Variants in WNT7B observed in about 807,000 individuals in gnomAD.
WNT7B encodes the protein protein Wnt-7b.
A neutral mutation model predicts 38.2 loss-of-function variants in WNT7B; 19 were observed. That is an observed-to-expected ratio of 0.50 (90% confidence interval 0.35 to 0.73). The LOEUF is 0.73. Ranked by LOEUF, WNT7B falls within the 30% of genes least tolerant of loss-of-function variation. The pLI, the probability that WNT7B is intolerant of heterozygous loss-of-function variation, is 0.01. For synonymous variants in WNT7B, 243 were observed against 209.3 expected, an observed-to-expected ratio of 1.16 and a Z score of -1.39; for missense variants, 423 against 507.9, an observed-to-expected ratio of 0.83 and a Z score of 1.61.
At chr22:45,933,886 C>T (rs1601721188) in intron 2 of WNT7B, among the ~76,000 whole-genome samples, 2 of 152,194 alleles carry the variant, frequency 1.3e-5, no homozygotes, top group East Asian at 3.9e-4. Context: ...GTCTCGCAAG[C>T]AGGTGGCACT....
At position 45,966,550 on chromosome 22, in the gene WNT7B, C is replaced by T. The variant is rs771455062; in HGVS notation, c.71+10134G>A. ...GGGGATGCTCACTCGGGCTCTTCTC[C>T]GTTGCTGCTGACACCCGGCAAGCTG... On this transcript the variant is annotated intron_variant, in intron 1 of 3. Coordinates refer to ENST00000339464, the MANE Select transcript of WNT7B (RefSeq NM_058238.3). The surrounding 1 kb of genome is among the most constrained non-coding windows in gnomAD (Gnocchi z 4.2). Among the ~76,000 whole-genome samples, 4 of 152,202 alleles carry T rather than the reference C, an allele frequency of 2.6e-5. No individual in the cohort carries two copies. Among genetic ancestry groups the T allele is most frequent in the East Asian group, 1.9e-4 (1 of 5,192 alleles).
chr22:45,939,619 C>A (rs1931592758), intron 2 of WNT7B, among the ~76,000 whole-genome samples: 1 of 132,342 alleles, frequency 7.6e-6, no homozygotes, highest in South Asian at 2.5e-4. Flanking sequence ...CATGGCAAAA[C>A]CCTGTCTCTA....
chr22:45,962,329 T>C lies in WNT7B; in HGVS notation c.72-12183A>G, dbSNP rs914075717. On this transcript the variant is annotated intron_variant, in intron 1 of 3. Coordinates refer to ENST00000339464, the MANE Select transcript of WNT7B (RefSeq NM_058238.3). ...TCTGTGAAATGAGAGCCTCACCCAC[T>C]CACTGTGACCTCCCAAACCACAGGA... is the stretch of plus-strand genomic sequence containing the variant. Among the ~76,000 whole-genome samples the C allele has an allele frequency of 7.9e-5, 12 of 152,134 alleles. 1 individual carries two copies. Among genetic ancestry groups the C allele is most frequent in the African/African-American group, 2.4e-4 (10 of 41,426 alleles).
chr22:45,949,575 A>C (rs1460933695), intron 2 of WNT7B, among the ~76,000 whole-genome samples: 1 of 152,224 alleles, frequency 6.6e-6, no homozygotes. Flanking sequence ...GCTGCTAGGC[A>C]GCGAAAGAAT....
intron 2 of WNT7B, among the ~76,000 whole-genome samples, chr22:45,941,381 G>A (rs1040452824): frequency 6.6e-6 from 1 of 152,022 alleles, no homozygotes; most frequent in Non-Finnish European, 1.5e-5. Context: ...TGTGGTGGCA[G>A]GGGCCTGTAA....
At chr22:45,947,433 C>G (rs1193518064) in intron 2 of WNT7B, among the ~76,000 whole-genome samples, 2 of 152,174 alleles carry the variant, frequency 1.3e-5, no homozygotes, top group African/African-American at 4.8e-5. Flanking sequence ...GAAATGATAC[C>G]AGGTTTCTGC....
At chr22:45,937,400 C>T (rs1931539479) in intron 2 of WNT7B, among the ~76,000 whole-genome samples, 2 of 152,372 alleles carry the variant, frequency 1.3e-5, no homozygotes, top group Middle Eastern at 3.4e-3. Flanking sequence ...TTCTGTGTCC[C>T]TGTCTCCCTA....
intron 3 of WNT7B, among the ~76,000 whole-genome samples, chr22:45,929,687 TCCA>T (rs1931247580): frequency 7.8e-6 from 1 of 128,822 alleles, no homozygotes; most frequent in African/African-American, 3.5e-5. Flanking sequence ...CCTCCATACT[TCCA>T]TCCACCCATC....
chr22:45,939,672 A>ACACACACACACACACACACACAC (rs1477583799), intron 2 of WNT7B, among the ~76,000 whole-genome samples: 3 of 104,372 alleles, frequency 2.9e-5, no homozygotes, highest in African/African-American at 1.3e-4. Flanking sequence ...CACACACACA[A>ACACACACACACACACACACACAC]AAATAGCCAG....
chr22:45,926,074 C>G, intron 3 of WNT7B: 3 of 985,462 alleles, frequency 3.0e-6, no homozygotes, highest in Middle Eastern at 5.2e-4. Flanking sequence ...GGGCCAGGCC[C>G]GTGACCATCC....
At position 45,976,054 on chromosome 22, in the gene WNT7B, G is replaced by A. The variant is rs1010404111; in HGVS notation, c.71+630C>T. On this transcript the variant is annotated intron_variant, in intron 1 of 3. Coordinates refer to ENST00000339464, the MANE Select transcript of WNT7B (RefSeq NM_058238.3). This position sits in a 1 kb window ranked among gnomAD's most constrained non-coding sequence, Gnocchi z 8.5. ...CGCGGCGAGAGGGGGCCGGGCCCAG[G>A]GCCCAGGGCCCCGGGCGGGCGGGGC... The A allele has an allele frequency of 1.4e-5, 2 of 145,164 alleles. No homozygotes were observed. The highest frequency in any genetic ancestry group is 4.9e-5 in the African/African-American group (2 of 40,510). 9.0% of individuals were successfully genotyped at this position (145,164 alleles called of 1,614,324 possible). A position where few individuals can be genotyped will look rare whatever the true frequency, so the allele number is the denominator to read the frequency against.
intron 1 of WNT7B, among the ~76,000 whole-genome samples, chr22:45,961,751 G>A (rs796327972): frequency 4.6e-5 from 7 of 152,318 alleles, no homozygotes; most frequent in African/African-American, 1.4e-4. Context: ...TGTGTAGTGA[G>A]GGGCTGAGGT....
In WNT7B at chr22:45,950,050, G is replaced by C. The variant is rs140863202; in HGVS notation, c.168C>G (p.Pro56=). 1 of 1,613,900 alleles carries C rather than the reference G, an allele frequency of 6.2e-7. No homozygotes were observed. The highest frequency in any genetic ancestry group is 8.5e-7 in the Non-Finnish European group (1 of 1,180,042). ...CCTCCCCAATCACAATGATGGCATCGGGCCGACTCTGGCAGATGGCACGCT... is the reference window on the plus strand; with the variant it reads ...CCTCCCCAATCACAATGATGGCATCCGGCCGACTCTGGCAGATGGCACGCT... ...PRQRAICQSR[P]DAIIVIGEGA... is the part of the protein sequence containing the mutation. Residue 56 remains proline (P), a synonymous_variant, in exon 2 of 4, where the codon CCC becomes CCG. Coordinates refer to ENST00000339464, the MANE Select transcript of WNT7B (RefSeq NM_058238.3).
chr22:45,932,612 T>G (rs1049669480), intron 2 of WNT7B, among the ~76,000 whole-genome samples: 2 of 152,216 alleles, frequency 1.3e-5, no homozygotes, highest in African/African-American at 4.8e-5. Context: ...CATCCTTCCA[T>G]CCTGGCTCTG....
At chr22:45,934,946 C>T (rs925158529) in intron 2 of WNT7B, among the ~76,000 whole-genome samples, 2 of 152,206 alleles carry the variant, frequency 1.3e-5, no homozygotes. Context: ...GCGCCCGGCA[C>T]GTTGCCTGTG....
rs754085860 is a variant in WNT7B, at chr22:45,969,614, C to T, written c.71+7070G>A. Among the ~76,000 whole-genome samples the T allele has an allele frequency of 3.7e-4, 57 of 152,366 alleles. 2 individuals carry two copies. Among genetic ancestry groups the T allele is most frequent in the East Asian group, 1.9e-4 (1 of 5,192 alleles). ...GCTGCAAGTCAGCATGTAGCAGGGG[C>T]GCAGGGCGCTTCCAGGCCAACACAC... On this transcript the variant is annotated intron_variant, in intron 1 of 3. Transcript: ENST00000339464.
At chr22:45,946,681 A>C (rs960211984) in intron 2 of WNT7B, among the ~76,000 whole-genome samples, 1 of 142,950 alleles carries the variant, frequency 7.0e-6, no homozygotes, top group African/African-American at 3.1e-5. Flanking sequence ...CTCTGAGGCG[A>C]GCAGAGCAAC....
chr22:45,945,002 A>G (rs1022405890), intron 2 of WNT7B, among the ~76,000 whole-genome samples: 3 of 152,190 alleles, frequency 2.0e-5, no homozygotes, highest in African/African-American at 7.2e-5. Flanking sequence ...GCACCGCTCA[A>G]CGGAAGGTTC....
At chr22:45,962,815 G>A (rs948323955) in intron 1 of WNT7B, among the ~76,000 whole-genome samples, 1 of 152,256 alleles carries the variant, frequency 6.6e-6, no homozygotes, top group Non-Finnish European at 1.5e-5. Flanking sequence ...GCGCCTTGCA[G>A]GCCTGGGTGA....
Sources: gnomAD v4.1 joint callset for allele counts (sites outside exome capture counted in the v4.1 genomes callset) on GRCh38, gnomAD v4.1.1 for gene constraint, Gnocchi (gnomAD v3.1) non-coding constraint, MANE v1.5 for transcripts, NCBI Gene and HGNC (gene_info 2026-07-23, HGNC 2026-07-21) for gene names.